Variants in GATA4 observed in about 807,000 individuals in gnomAD.
The protein encoded by GATA4 is GATA binding protein 4.
Under a neutral mutation model 37.9 loss-of-function variants are expected in GATA4, and 7 were observed. The observed-to-expected ratio is 0.18, with a 90% CI of 0.11 to 0.35. The LOEUF (loss-of-function observed/expected upper bound fraction) is 0.35. Ranked by LOEUF, GATA4 falls within the 10% of genes least tolerant of loss-of-function variation. The pLI is 1.00. For missense variants in GATA4, 647 were observed against 653.0 expected, an observed-to-expected ratio of 0.99 and a Z score of 0.10; for synonymous variants, 372 against 292.6, an observed-to-expected ratio of 1.27 and a Z score of -2.77.
chr8:11,730,233 G>T (rs1228007321), intron 2 of GATA4, among the ~76,000 whole-genome samples: 1 of 152,184 alleles, frequency 6.6e-6, no homozygotes, highest in Non-Finnish European at 1.5e-5. Flanking sequence ...GGTTTTGTGG[G>T]CTGGAGTAAG....
chr8:11,708,993 G>C lies in GATA4; in HGVS notation c.616+65G>C. On this transcript the variant is annotated intron_variant, in intron 2 of 6. Coordinates refer to ENST00000532059, the MANE Select transcript of GATA4 (RefSeq NM_001308093.3). This position sits in a 1 kb window ranked among gnomAD's most constrained non-coding sequence, Gnocchi z 6.7. ...GGCAGGGGCCGTCTTGAGCCCTGTC[G>C]AGGGCCTCTTGTTTTTCCACCAACG... 6.8e-7 allele frequency: 1 copy of C among 1,461,162 alleles called. No homozygotes were observed. The highest frequency in any genetic ancestry group is 9.0e-7 in the Non-Finnish European group (1 of 1,105,610). The allele number at this position is 1,461,162 out of a possible 1,614,324, so 90.5% of individuals were successfully genotyped here.
In GATA4 at chr8:11,709,949, C is replaced by G. The variant is rs1158753759; in HGVS notation, c.616+1021C>G. 6.6e-6 allele frequency among the ~76,000 whole-genome samples: 1 copy of G among 152,258 alleles called. No individual in the cohort carries two copies. Among genetic ancestry groups the G allele is most frequent in the East Asian group, 1.9e-4 (1 of 5,178 alleles). The stretch of plus-strand genomic sequence containing the variant: ...AGGAGTGAGTTTGGATTGAGCCCAC[C>G]CTGTGGGGGAGGGGAAGCCCAGGCT... On this transcript the variant is annotated intron_variant, in intron 2 of 6. Transcript: ENST00000532059. This position sits in a 1 kb window ranked among gnomAD's most constrained non-coding sequence, Gnocchi z 4.3.
chr8:11,743,532 C>G (rs575777668), intron 2 of GATA4, among the ~76,000 whole-genome samples: 2 of 152,252 alleles, frequency 1.3e-5, no homozygotes, highest in Admixed American at 6.5e-5. Context: ...GTCTCCCCAG[C>G]GGCCAGCAGT....
At chr8:11,705,321 C>A (rs1231659426) in intron 1 of GATA4, among the ~76,000 whole-genome samples, 1 of 152,202 alleles carries the variant, frequency 6.6e-6, no homozygotes, top group African/African-American at 2.4e-5. Context: ...TGTGTCTCCT[C>A]CCCTGCTGCG....
rs570496625 is a variant in GATA4, at chr8:11,749,573, C to T, written c.786+488C>T. Among the ~76,000 whole-genome samples the T allele has an allele frequency of 5.9e-5, 9 of 152,220 alleles. No homozygotes were observed. Among genetic ancestry groups the T allele is most frequent in the African/African-American group, 2.2e-4 (9 of 41,460 alleles). Reference sequence around the variant, plus strand: ...GCTAGGGAAGAGTTTGGGCCTGGGGCTTGGCTCCTGGCTTCCTGCTCCTTT... The same window carrying T: ...GCTAGGGAAGAGTTTGGGCCTGGGGTTTGGCTCCTGGCTTCCTGCTCCTTT... On this transcript the variant is annotated intron_variant, in intron 3 of 6. Transcript: ENST00000532059. The surrounding 1 kb of genome is among the most constrained non-coding windows in gnomAD (Gnocchi z 4.6).
chr8:11,692,033 C>G, upstream of GATA4: 2 of 985,428 alleles, frequency 2.0e-6, no homozygotes, highest in Non-Finnish European at 2.4e-6. Flanking sequence ...TGTTCATGAT[C>G]CTCACCTTAG....
At chr8:11,693,554 CACACACACAGAGAGAGAG>C (rs1178087222) in intron 1 of GATA4, among the ~76,000 whole-genome samples, 4 of 113,218 alleles carry the variant, frequency 3.5e-5, no homozygotes, top group Non-Finnish European at 5.1e-5. Context: ...CACACACACA[CACACACACAGAGAGAGAG>C]AGAGAGAGAG....
chr8:11,679,432 G>C (rs1481915179), intron 1 of GATA4, among the ~76,000 whole-genome samples: 1 of 152,230 alleles, frequency 6.6e-6, no homozygotes, highest in Admixed American at 6.5e-5. Context: ...AAGCCCCGAA[G>C]CCGATCTAAG....
At position 11,755,034 on chromosome 8, in the gene GATA4, G is replaced by C; in HGVS notation, c.913-12G>C. 1 of 1,610,264 alleles carries C rather than the reference G, an allele frequency of 6.2e-7. No homozygotes were observed. The highest frequency in any genetic ancestry group is 8.5e-7 in the Non-Finnish European group (1 of 1,176,636). On this transcript the variant is annotated splice_polypyrimidine_tract_variant and intron_variant, in intron 4 of 6. Coordinates refer to ENST00000532059, the MANE Select transcript of GATA4 (RefSeq NM_001308093.3). The stretch of plus-strand genomic sequence containing the variant: ...AATGGAAAACCCTATATATTTACTT[G>C]TGACCCTCCAGGTCCCCAGGCCTCT...
In GATA4 at chr8:11,758,584, C is replaced by T. The variant is rs983292508; in HGVS notation, c.*109C>T. ...CGGCCTCCTCTGCCTGGTAATGACT[C>T]CAGAACAACAACTGGGAAGAAACTT... On this transcript the variant is annotated 3_prime_UTR_variant, in exon 7 of 7. Coordinates refer to ENST00000532059, the MANE Select transcript of GATA4 (RefSeq NM_001308093.3). The T allele has an allele frequency of 9.5e-7, 1 of 1,047,464 alleles. No individual in the cohort carries two copies. The highest frequency in any genetic ancestry group is 1.5e-6 in the Non-Finnish European group (1 of 675,854). The allele number at this position is 1,047,464 out of a possible 1,614,324, so 64.9% of individuals were successfully genotyped here. A position where few individuals can be genotyped will look rare whatever the true frequency, so the allele number is the denominator to read the frequency against.
rs3735819 is a variant in GATA4, at chr8:11,748,803, T to C, written c.617-113T>C. 972,346 of 1,276,656 alleles carry C rather than the reference T, an allele frequency of 0.76. 374,717 individuals are homozygous for C. Among genetic ancestry groups the C allele is most frequent in the East Asian group, 0.98 (42,334 of 43,324 alleles). The allele number at this position is 1,276,656 out of a possible 1,614,324, so 79.1% of individuals were successfully genotyped here. A position where few individuals can be genotyped will look rare whatever the true frequency, so the allele number is the denominator to read the frequency against. On this transcript the variant is annotated intron_variant, in intron 2 of 6. Coordinates refer to ENST00000532059, the MANE Select transcript of GATA4 (RefSeq NM_001308093.3). ...AAGAGCAGCCCGAGGTGGTCTTCTC[T>C]TTCCAAGGAAAGGGCATTGTTTCTG...
At chr8:11,712,990 C>G (rs551210818) in intron 2 of GATA4, among the ~76,000 whole-genome samples, 1 of 152,166 alleles carries the variant, frequency 6.6e-6, no homozygotes, top group Middle Eastern at 3.2e-3. Context: ...TAAAACTATA[C>G]AGACTAATTA....
chr8:11,714,974 A>T (rs566177484), intron 2 of GATA4, among the ~76,000 whole-genome samples: 29 of 152,192 alleles, frequency 1.9e-4, no homozygotes, highest in Non-Finnish European at 4.1e-4. Flanking sequence ...TTCCACAAGC[A>T]CACCGGCACA....
At chr8:11,732,272 GTAT>G in intron 2 of GATA4, among the ~76,000 whole-genome samples, 1 of 152,332 alleles carries the variant, frequency 6.6e-6, no homozygotes, top group Middle Eastern at 3.4e-3. Flanking sequence ...TAAGTGAAAT[GTAT>G]TTGTAAAAAG....
intron 2 of GATA4, among the ~76,000 whole-genome samples, chr8:11,738,974 C>G (rs1801591897): frequency 6.6e-6 from 1 of 152,246 alleles, no homozygotes. Context: ...GGGAGGGCCT[C>G]TCCCTTTCTT....
intron 2 of GATA4, among the ~76,000 whole-genome samples, chr8:11,746,961 G>T (rs1802063003): frequency 6.6e-6 from 1 of 152,232 alleles, no homozygotes; most frequent in Admixed American, 6.5e-5. Flanking sequence ...GAGTTGTGGG[G>T]AGGGCCCCCC....
At chr8:11,693,584 GAGAGAGAGAGAC>G (rs1210458864) in intron 1 of GATA4, among the ~76,000 whole-genome samples, 3 of 151,432 alleles carry the variant, frequency 2.0e-5, no homozygotes, top group African/African-American at 7.3e-5. Context: ...GAGAGAGAGA[GAGAGAGAGAGAC>G]AGAGGATTGA....
chr8:11,694,773 G>A (rs951910965), intron 1 of GATA4, among the ~76,000 whole-genome samples: 1 of 152,140 alleles, frequency 6.6e-6, no homozygotes, highest in African/African-American at 2.4e-5. Flanking sequence ...TGATCACAGA[G>A]GTATGACTGG....
At position 11,681,339 on chromosome 8, in the gene GATA4, A is replaced by G. The variant is rs1330471575; in HGVS notation, c.-274+4276A>G. Reference sequence around the variant, plus strand: ...CACTTCTCGACCTGCGCCCCAACCCATCAAATTTCCAGCACTCGTCCCCCT... The same window carrying G: ...CACTTCTCGACCTGCGCCCCAACCCGTCAAATTTCCAGCACTCGTCCCCCT... On this transcript the variant is annotated intron_variant, in intron 1 of 6. Transcript: ENST00000528712. 4.1e-6 allele frequency: 4 copies of G among 985,218 alleles called. No individual in the cohort carries two copies. The East Asian group carries it at 3.4e-4, about 84-fold the overall frequency. 61.0% of individuals were successfully genotyped at this position (985,218 alleles called of 1,614,324 possible). A position where few individuals can be genotyped will look rare whatever the true frequency, so the allele number is the denominator to read the frequency against.
Sources: allele counts gnomAD v4.1 joint callset (sites outside exome capture counted in the v4.1 genomes callset), GRCh38; gene constraint gnomAD v4.1.1; non-coding constraint Gnocchi (gnomAD v3.1); transcripts MANE v1.5; gene names NCBI Gene and HGNC (gene_info 2026-07-23, HGNC 2026-07-21).